The following CACNA1C variants were observed in gnomAD, a reference collection of about 807,000 sequenced individuals.
CACNA1C encodes the protein voltage-dependent L-type calcium channel subunit alpha-1C.
A neutral mutation model predicts 229.0 loss-of-function variants in CACNA1C; 30 were observed. That is an observed-to-expected ratio of 0.13 (90% CI 0.10 to 0.18). The LOEUF (loss-of-function observed/expected upper bound fraction) is 0.18, where lower values mean the gene tolerates loss of function less well. CACNA1C is among the 10% of genes least tolerant of loss of function. The pLI is 1.00. For synonymous variants in CACNA1C, 1,114 were observed against 1,132.5 expected (o/e 0.98, Z 0.33); for missense variants, 1,658 against 2,845.0 (o/e 0.58, Z 9.49).
intron 3 of CACNA1C, among the ~76,000 whole-genome samples, chr12:2,274,436 A>G (rs1047509617): frequency 6.6e-6 from 1 of 152,178 alleles, no homozygotes; most frequent in Non-Finnish European, 1.5e-5. Flanking sequence ...CACTTCATCA[A>G]CCAGGAAGGC....
Position 2,130,567 on chromosome 12 carries a change from T to A in CACNA1C, c.477+10137T>A, listed in dbSNP as rs2091989309. Among the ~76,000 whole-genome samples, 3 of 112,956 alleles carry A rather than the reference T, an allele frequency of 2.7e-5. 1 individual carries two copies. Among genetic ancestry groups the A allele is most frequent in the Admixed American group, 9.6e-5 (1 of 10,406 alleles). The allele number at this position is 112,956 out of a possible 152,430, so 74.1% of individuals were successfully genotyped here. A position where few individuals can be genotyped will look rare whatever the true frequency, so the allele number is the denominator to read the frequency against. On this transcript the variant is annotated intron_variant, in intron 3 of 46. Coordinates refer to ENST00000399655, the MANE Select transcript of CACNA1C (RefSeq NM_000719.7). ...GAATATGCGGTGTTTGGTTTTTTGTTCTTGTGATAGTTTACTGAGAATGAT... is the reference window on the plus strand; with the variant it reads ...GAATATGCGGTGTTTGGTTTTTTGTACTTGTGATAGTTTACTGAGAATGAT...
chr12:2,545,350 A>G (rs1345955501), intron 9 of CACNA1C, among the ~76,000 whole-genome samples: 1 of 151,948 alleles, frequency 6.6e-6, no homozygotes, highest in Non-Finnish European at 1.5e-5. Flanking sequence ...TAGTTGTAAG[A>G]GGATCGGCTT....
rs1322885333 is a variant in CACNA1C at position 1,996,656 on chromosome 12, CAA to C, written c.139+25456_139+25457del. 7.3e-5 allele frequency among the ~76,000 whole-genome samples: 4 copies of C among 54,606 alleles called. 1 individual carries two copies. The highest frequency in any genetic ancestry group is 1.8e-4 in the African/African-American group (2 of 11,238). 35.8% of individuals were successfully genotyped at this position (54,606 alleles called of 152,430 possible). A position where few individuals can be genotyped will look rare whatever the true frequency, so the allele number is the denominator to read the frequency against. The stretch of plus-strand genomic sequence containing the variant: ...AAAAAAAAAAAAAAAAAAAAAAAAA[CAA>C]CAAACTCTTCTAATGTTTTAAAGAA... On this transcript the variant is annotated intron_variant, in intron 1 of 46. Transcript: ENST00000682462.
intron 3 of CACNA1C, among the ~76,000 whole-genome samples, chr12:2,196,380 T>C (rs1452708702): frequency 1.3e-5 from 2 of 152,254 alleles, no homozygotes; most frequent in African/African-American, 4.8e-5. Context: ...TTTCCCAGCT[T>C]AGGTGTTGTG....
chr12:2,585,918 T>G lies in CACNA1C; in HGVS notation c.2530+14T>G. On this transcript the variant is annotated intron_variant, in intron 18 of 46. Coordinates refer to ENST00000399655, the MANE Select transcript of CACNA1C (RefSeq NM_000719.7). This position sits in a 1 kb window ranked among gnomAD's most constrained non-coding sequence, Gnocchi z 4.1. ...CAGAAACTACAGGTACCAGTCCCAC[T>G]GCCTAACCTGGGATTGGGAGATTGG... 2 of 1,535,582 alleles carry G rather than the reference T, an allele frequency of 1.3e-6. No homozygotes were observed. Among genetic ancestry groups the G allele is most frequent in the Non-Finnish European group, 1.8e-6 (2 of 1,126,712 alleles).
chr12:2,174,575 G>A (rs1175061877), intron 3 of CACNA1C, among the ~76,000 whole-genome samples: 1 of 152,054 alleles, frequency 6.6e-6, no homozygotes, highest in Non-Finnish European at 1.5e-5. Flanking sequence ...TTTCTGGGAT[G>A]TTTGGAAGCA....
At chr12:2,460,025 C>A (rs2099488945) in intron 5 of CACNA1C, among the ~76,000 whole-genome samples, 1 of 152,214 alleles carries the variant, frequency 6.6e-6, no homozygotes, top group Admixed American at 6.5e-5. Context: ...AACATTTACA[C>A]CTGGCTCATG....
chr12:2,139,059 G>A (rs1421695366), intron 3 of CACNA1C, among the ~76,000 whole-genome samples: 1 of 150,858 alleles, frequency 6.6e-6, no homozygotes, highest in Non-Finnish European at 1.5e-5. Context: ...CATGCATTTG[G>A]TGGCTTAAAA....
At chr12:1,986,278 A>G (rs2037755762) in intron 1 of CACNA1C, among the ~76,000 whole-genome samples, 2 of 152,104 alleles carry the variant, frequency 1.3e-5, no homozygotes, top group South Asian at 4.1e-4. Context: ...ATGAGTTCCT[A>G]GACAGAATTA....
At chr12:2,674,672 G>A (rs747261119) in intron 39 of CACNA1C, 30 bp downstream of exon 39, 2 of 1,533,182 alleles carry the variant, frequency 1.3e-6, no homozygotes, top group East Asian at 2.5e-5. Context: ...CCGCACCTTG[G>A]CCACTGCCTG....
chr12:2,516,345 A>G (rs2154580100), intron 9 of CACNA1C, among the ~76,000 whole-genome samples: 1 of 152,256 alleles, frequency 6.6e-6, no homozygotes, highest in Non-Finnish European at 1.5e-5. Context: ...TATATAAACT[A>G]TTGTGAGAAC....
At chr12:2,238,372 G>T (rs919914753) in intron 3 of CACNA1C, among the ~76,000 whole-genome samples, 2 of 152,162 alleles carry the variant, frequency 1.3e-5, no homozygotes, top group Non-Finnish European at 2.9e-5. Flanking sequence ...GCCAAAAACT[G>T]TCTCCTCACC....
intron 5 of CACNA1C, among the ~76,000 whole-genome samples, chr12:2,462,952 G>T (rs1163354416): frequency 7.6e-6 from 1 of 131,310 alleles, no homozygotes; most frequent in Admixed American, 9.1e-5. Flanking sequence ...TTGCTCTGTC[G>T]CCCAGGCTGG....
At chr12:2,327,301 G>A (rs537941042) in intron 3 of CACNA1C, among the ~76,000 whole-genome samples, 5 of 152,308 alleles carry the variant, frequency 3.3e-5, no homozygotes, top group African/African-American at 4.8e-5. Context: ...ACTGCTGTAC[G>A]TATACTTCCT....
In CACNA1C at chr12:2,479,231, T is replaced by C. The variant is rs2099652479; in HGVS notation, c.758-6873T>C. Among the ~76,000 whole-genome samples, 1 of 152,156 alleles carries C rather than the reference T, an allele frequency of 6.6e-6. No homozygotes were observed. The highest frequency in any genetic ancestry group is 6.5e-5 in the Admixed American group (1 of 15,270). On this transcript the variant is annotated intron_variant, in intron 5 of 46. Coordinates refer to ENST00000399655, the MANE Select transcript of CACNA1C (RefSeq NM_000719.7). The surrounding 1 kb of genome is among the most constrained non-coding windows in gnomAD (Gnocchi z 4.3). Reference sequence around the variant, plus strand: ...TGTTTTAAATTTTCTTTTTGTTTTTTAGAGACAGGGTCTTGTTCTGTCACC... The same window carrying C: ...TGTTTTAAATTTTCTTTTTGTTTTTCAGAGACAGGGTCTTGTTCTGTCACC...
intron 3 of CACNA1C, among the ~76,000 whole-genome samples, chr12:2,188,905 A>G (rs1440320149): frequency 1.3e-5 from 2 of 151,996 alleles, no homozygotes; most frequent in Admixed American, 1.3e-4. Context: ...ATCCTGGCTA[A>G]TATGGTGAAA....
At chr12:2,302,034 A>G (rs966330564) in intron 3 of CACNA1C, among the ~76,000 whole-genome samples, 3 of 152,238 alleles carry the variant, frequency 2.0e-5, no homozygotes, top group Admixed American at 6.5e-5. Context: ...TTAGGAAACA[A>G]TTTGTAAACT....
At position 2,677,656 on chromosome 12, in the gene CACNA1C, T is replaced by G. The variant is rs1357012585; in HGVS notation, c.4957-77T>G. Reference sequence around the variant, plus strand: ...GCCAGGGCCCTGGAGGGACAGGTCTTGGCCCGAGGCTGTGGCTGGCTGGGG... The same window carrying G: ...GCCAGGGCCCTGGAGGGACAGGTCTGGGCCCGAGGCTGTGGCTGGCTGGGG... On this transcript the variant is annotated intron_variant, in intron 40 of 46. Transcript: ENST00000399655. This position sits in a 1 kb window ranked among gnomAD's most constrained non-coding sequence, Gnocchi z 7.4. 6.6e-7 allele frequency: 1 copy of G among 1,526,420 alleles called. No homozygotes were observed. The highest frequency in any genetic ancestry group is 8.9e-7 in the Non-Finnish European group (1 of 1,124,788). The allele number at this position is 1,526,420 out of a possible 1,614,324, so 94.6% of individuals were successfully genotyped here. A position where few individuals can be genotyped will look rare whatever the true frequency, so the allele number is the denominator to read the frequency against.
chr12:1,993,302 T>A (rs775013572), intron 1 of CACNA1C: 1 of 1,614,030 alleles, frequency 6.2e-7, no homozygotes, highest in African/African-American at 1.3e-5. Context: ...GTCCTGGAGT[T>A]GGAAATCCAA....
Sources: gnomAD v4.1 joint callset for allele counts (sites outside exome capture counted in the v4.1 genomes callset) on GRCh38, gnomAD v4.1.1 for gene constraint, Gnocchi (gnomAD v3.1) non-coding constraint, MANE v1.5 for transcripts, NCBI Gene and HGNC (gene_info 2026-07-23, HGNC 2026-07-21) for gene names.